Variants in PKD1L3 observed in about 807,000 individuals in gnomAD.
PKD1L3 encodes polycystin 1 like 3, transient receptor potential channel interacting.
A neutral mutation model predicts 184.1 loss-of-function variants in PKD1L3; 239 were observed. The ratio of observed to expected loss-of-function variants is 1.30; its 90% CI spans 1.17 to 1.45. PKD1L3 has a LOEUF of 1.45. Among genes scored for constraint, PKD1L3 ranks in the 40% most tolerant of loss-of-function variants. The probability of loss-of-function intolerance (pLI) is 0.00; values close to 1 mark genes in which losing one functional copy is unlikely to be tolerated. For synonymous variants in PKD1L3, 996 were observed against 778.8 expected (o/e 1.28, Z -4.64); for missense variants, 2,660 against 2,067.2 (o/e 1.29, Z -5.56).
intron 14 of PKD1L3, 22 bp from the exon 15 acceptor site, chr16:71,967,337 T>G: frequency 6.5e-7 from 1 of 1,536,670 alleles, no homozygotes; most frequent in South Asian, 1.2e-5. Context: ...CAGGGAAAGA[T>G]AAAATATAAG....
chr16:71,967,924 G>A lies in PKD1L3; in HGVS notation c.2268C>T (p.Ser756=), dbSNP rs940793605. The A allele has an allele frequency of 3.0e-5, 47 of 1,550,690 alleles. No individual in the cohort carries two copies. The highest frequency in any genetic ancestry group is 3.9e-5 in the Admixed American group (2 of 50,904). ...CATTAACCTTAGCTGTTGTAGCAGC[G>A]CTTCTTCGATATCCGGTGTAGACCT... is the stretch of plus-strand genomic sequence containing the variant. ...LIQVYTGYRR[S]AATTAKVVIT... is the part of the protein sequence containing the mutation. The change falls in exon 14 of 30, where the codon AGC becomes AGT. Residue 756 remains serine (S), a synonymous_variant. Coordinates refer to ENST00000620267, the MANE Select transcript of PKD1L3 (RefSeq NM_181536.2).
At chr16:71,987,406 C>T (rs2040415044) in intron 4 of PKD1L3, among the ~76,000 whole-genome samples, 1 of 151,982 alleles carries the variant, frequency 6.6e-6, no homozygotes, top group Non-Finnish European at 1.5e-5. Flanking sequence ...TGGAGTCTTG[C>T]TCTGTTACCC....
intron 23 of PKD1L3, among the ~76,000 whole-genome samples, chr16:71,943,754 A>G (rs1013812857): frequency 2.6e-5 from 4 of 152,174 alleles, no homozygotes; most frequent in African/African-American, 4.8e-5. Context: ...CATCTGCCAA[A>G]GCATTTTCAT....
At position 71,998,385 on chromosome 16, in the gene PKD1L3, G is replaced by A. The variant is rs2040863346; in HGVS notation, c.305C>T (p.Ala102Val). 1.3e-6 allele frequency: 2 copies of A among 1,551,346 alleles called. No individual in the cohort carries two copies. Among genetic ancestry groups the A allele is most frequent in the African/African-American group, 2.7e-5 (2 of 73,126 alleles). ...GAGGGGCTTTGGGGGCCCGTTGGCT[G>A]CAACGTCTGCTGAGGGGAGATCAGA... The part of the protein sequence containing the change: ...HQDNKYPADV[A>V]ANGPPKPLSC... The change falls in exon 2 of 30, where the codon GCA (alanine) becomes GTA (valine). Residue 102 changes from alanine (A) to valine (V), a missense_variant. Transcript: ENST00000620267.
intron 3 of PKD1L3, among the ~76,000 whole-genome samples, chr16:71,990,983 C>T (rs2040568267): frequency 6.6e-6 from 1 of 152,156 alleles, no homozygotes; most frequent in East Asian, 1.9e-4. Flanking sequence ...ACTGCATCAG[C>T]TTATGAGTGA....
intron 24 of PKD1L3, 41 bp from the exon 25 acceptor site, chr16:71,937,460 C>T (rs1428026622): frequency 6.5e-7 from 1 of 1,535,954 alleles, no homozygotes; most frequent in South Asian, 1.2e-5. Context: ...GAGTCTAAAA[C>T]TTTTGCCCTC....
At chr16:71,932,510 C>G (rs1453071017) in intron 28 of PKD1L3, among the ~76,000 whole-genome samples, 3 of 151,728 alleles carry the variant, frequency 2.0e-5, no homozygotes, top group African/African-American at 7.3e-5. Context: ...GTTTCACTGT[C>G]TTGCCCAGGC....
chr16:71,993,303 C>G lies in PKD1L3; in HGVS notation c.448G>C (p.Glu150Gln), dbSNP rs2040663066. ...GDFLDGDAHY[E>Q]RNGNNSHLYQ... is the part of the protein sequence containing the mutation. Reference sequence around the variant, plus strand: ...AAATGGGAATTATTTCCATTTCTTTCATAATGGGCATCTCCGTCCAAAAAG... The same window carrying G: ...AAATGGGAATTATTTCCATTTCTTTGATAATGGGCATCTCCGTCCAAAAAG... Residue 150 changes from glutamate to glutamine, a missense_variant, in exon 3 of 30, where the codon GAA becomes CAA. Glu to Gln is a conservative substitution (Grantham distance 29). Transcript: ENST00000620267. 6.5e-7 allele frequency: 1 copy of G among 1,549,160 alleles called. No homozygotes were observed.
At chr16:71,995,377 T>C (rs1443965348) in intron 2 of PKD1L3, among the ~76,000 whole-genome samples, 1 of 152,214 alleles carries the variant, frequency 6.6e-6, no homozygotes, top group Non-Finnish European at 1.5e-5. Flanking sequence ...AGAGTTCCAA[T>C]GCCAAACTAT....
At chr16:71,951,517 G>T in intron 19 of PKD1L3, 47 bp downstream of exon 19, 1 of 1,503,492 alleles carries the variant, frequency 6.7e-7, no homozygotes, top group Non-Finnish European at 9.0e-7. Flanking sequence ...ATGCAAGGGA[G>T]TGGGAGGCAG....
intron 9 of PKD1L3, among the ~76,000 whole-genome samples, chr16:71,978,919 T>C (rs919147750): frequency 6.6e-6 from 1 of 152,124 alleles, no homozygotes; most frequent in African/African-American, 2.4e-5. Flanking sequence ...ATAACCTCTA[T>C]GAGAAACAGT....
chr16:71,952,193 T>C (rs1408776113), intron 18 of PKD1L3, among the ~76,000 whole-genome samples: 2 of 133,268 alleles, frequency 1.5e-5, no homozygotes, highest in African/African-American at 5.4e-5. Context: ...AGGGAGCATG[T>C]CATTTTTTTT....
chr16:71,939,883 A>G lies in PKD1L3; in HGVS notation c.4325-2464T>C, dbSNP rs1260868109. Among the ~76,000 whole-genome samples the G allele has an allele frequency of 5.3e-5, 8 of 152,204 alleles. No individual in the cohort carries two copies. The East Asian group carries it at 5.8e-4, about 11-fold the overall frequency. On this transcript the variant is annotated intron_variant, in intron 24 of 29. Coordinates refer to ENST00000620267, the MANE Select transcript of PKD1L3 (RefSeq NM_181536.2). ...GTGACAGGATAAAGTAAAAACTTCA[A>G]TAGATGAAGAAAAGGAGGGCAGATG...
chr16:71,977,591 C>G (rs984890476), intron 10 of PKD1L3, 124 bp from the exon 11 acceptor site: 9 of 704,380 alleles, frequency 1.3e-5, no homozygotes, highest in Non-Finnish European at 1.8e-5. Context: ...GAGATGGGGT[C>G]TTGCTATGTT....
chr16:71,998,335 A>C lies in PKD1L3; in HGVS notation c.355T>G (p.Phe119Val). 1 of 1,552,054 alleles carries C rather than the reference A, an allele frequency of 6.4e-7. No homozygotes were observed. The highest frequency in any genetic ancestry group is 8.7e-7 in the Non-Finnish European group (1 of 1,147,062). Residue 119 changes from phenylalanine to valine, a missense_variant, in exon 2 of 30, where the codon TTC (phenylalanine) becomes GTC (valine). Coordinates refer to ENST00000620267, the MANE Select transcript of PKD1L3 (RefSeq NM_181536.2). ...TCCCCTTTGGATGAGATCCGAATGA[A>C]GTTTCTGGACAGGTAGGTGCAGCTG... ...PLSCTYLSRN[F>V]IRISSKGDKC...
At chr16:71,990,230 G>T (rs1392025142) in intron 4 of PKD1L3, 50 bp downstream of exon 4, 5 of 1,434,774 alleles carry the variant, frequency 3.5e-6, no homozygotes, top group South Asian at 1.2e-5. Context: ...TACTAGGTAT[G>T]ACAAAGAGAT....
intron 12 of PKD1L3, among the ~76,000 whole-genome samples, 153 bp downstream of exon 12, chr16:71,973,171 C>A (rs557185432): frequency 6.6e-6 from 1 of 152,258 alleles, no homozygotes; most frequent in South Asian, 2.1e-4. Context: ...GCCCACCACA[C>A]ACAACCCTCC....
chr16:71,954,063 G>T (rs760999559), intron 17 of PKD1L3, 42 bp downstream of exon 17: 1 of 1,403,290 alleles, frequency 7.1e-7, no homozygotes. Context: ...AAAAAAAAAG[G>T]ATTGCTTACT....
chr16:71,984,845 C>G (rs146616995), intron 5 of PKD1L3, among the ~76,000 whole-genome samples: 1 of 151,972 alleles, frequency 6.6e-6, no homozygotes, highest in African/African-American at 2.4e-5. Flanking sequence ...GGCGACAGAT[C>G]GAGAATCTGT....
Sources: allele counts gnomAD v4.1 joint callset (sites outside exome capture counted in the v4.1 genomes callset), GRCh38; gene constraint gnomAD v4.1.1; transcripts MANE v1.5; gene names NCBI Gene and HGNC (gene_info 2026-07-23, HGNC 2026-07-21).